DLG3: variants seen among roughly 807,000 people sequenced by gnomAD.
DLG3 encodes the protein disks large homolog 3.
Under a neutral mutation model 64.1 loss-of-function variants are expected in DLG3, and 1 was observed. That is an observed-to-expected ratio of 0.02 (90% CI 0.01 to 0.07). DLG3 has a LOEUF of 0.07. Ranked by LOEUF, DLG3 falls within the 10% of genes least tolerant of loss-of-function variation. The pLI, the probability that DLG3 is intolerant of heterozygous loss-of-function variation, is 1.00. For synonymous variants in DLG3, 245 were observed against 259.8 expected, an observed-to-expected ratio of 0.94 and a Z score of 0.55; for missense variants, 429 against 669.5, an observed-to-expected ratio of 0.64 and a Z score of 3.96.
rs1460123440 is a variant in DLG3 at position 70,502,187 on chromosome X, A to G, written c.2372A>G (p.Glu791Gly). 8.3e-7 allele frequency: 1 copy of G among 1,206,752 alleles called. No individual in the cohort carries two copies. Among genetic ancestry groups the G allele is most frequent in the Non-Finnish European group, 1.1e-6 (1 of 893,146 alleles). The change falls in exon 19 of 19, where the codon GAA (glutamate) becomes GGA (glycine). Residue 791 changes from glutamate (E) to glycine (G), a missense_variant. By Grantham distance (98) the Glu-to-Gly change is moderately conservative. Coordinates refer to ENST00000374360, the MANE Select transcript of DLG3 (RefSeq NM_021120.4). ...FTAIVQGDSL[E>G]EIYNKIKQII... Reference sequence around the variant, plus strand: ...GCCATTGTACAGGGTGACTCACTGGAAGAGATTTATAACAAAATCAAACAA... The same window carrying G: ...GCCATTGTACAGGGTGACTCACTGGGAGAGATTTATAACAAAATCAAACAA...
chrX:70,452,383 AGAG>A (rs1383378950), intron 7 of DLG3: 1 of 954,133 alleles, frequency 1.0e-6, no homozygotes, highest in Non-Finnish European at 1.3e-6. Flanking sequence ...ATTTCAAATT[AGAG>A]AAGAAAGCAG....
At chrX:70,449,924 T>C (rs1258248439) in intron 4 of DLG3, 65 bp downstream of exon 4, 2 of 1,132,467 alleles carry the variant, frequency 1.8e-6, no homozygotes, top group East Asian at 6.5e-5. Flanking sequence ...TCTTGCCCCA[T>C]AGGGAATTGG....
intron 9 of DLG3, among the ~76,000 whole-genome samples, chrX:70,477,982 A>G (rs1221536140): frequency 9.0e-6 from 1 of 111,629 alleles, no homozygotes; most frequent in Non-Finnish European, 1.9e-5. Context: ...TCTATGGTGC[A>G]CGAAATTGCT....
At chrX:70,475,161 T>A (rs1457788765) in intron 9 of DLG3, among the ~76,000 whole-genome samples, 1 of 108,408 alleles carries the variant, frequency 9.2e-6, no homozygotes, top group Non-Finnish European at 1.9e-5. Flanking sequence ...GAGACCCCCA[T>A]CTCTACAAAA....
chrX:70,491,327 A>G (rs2087354381), intron 10 of DLG3, among the ~76,000 whole-genome samples: 1 of 111,743 alleles, frequency 8.9e-6, no homozygotes, highest in Non-Finnish European at 1.9e-5. Flanking sequence ...ACCATTTCCT[A>G]GGACTTCTAG....
rs960103379 is a variant in DLG3 at position 70,465,474 on chromosome X, G to A, written c.1405+11158G>A. Among the ~76,000 whole-genome samples the A allele has an allele frequency of 2.7e-5, 3 of 112,002 alleles. No homozygotes were observed. In the Admixed American group the frequency reaches 2.9e-4, roughly 11 times the overall value. ...CTGGCTTTGTCCTTGAGCCTGTCCT[G>A]TTCAGTCTACTTTCCCATTCTCTTC... On this transcript the variant is annotated intron_variant, in intron 9 of 18. Coordinates refer to ENST00000374360, the MANE Select transcript of DLG3 (RefSeq NM_021120.4).
Position 70,500,531 on chromosome X carries a change from C to T in DLG3, c.2206C>T (p.Leu736Phe), listed in dbSNP as rs769297189. ...NAIKRLQQAQ[L>F]YPIAIFIKPK... The stretch of plus-strand genomic sequence containing the variant: ...TATCAAGAGACTGCAGCAAGCACAA[C>T]TTTACCCCATTGCCATTTTCATCAA... The change falls in exon 17 of 19, where the codon CTT (leucine) becomes TTT (phenylalanine). Residue 736 changes from leucine (L) to phenylalanine (F), a missense_variant. Around this residue, in one of 9 missense-constraint regions of DLG3, gnomAD observed 48 missense variants for 69.5 expected, o/e 0.69. Coordinates refer to ENST00000374360, the MANE Select transcript of DLG3 (RefSeq NM_021120.4). 7.4e-6 allele frequency: 9 copies of T among 1,211,098 alleles called. No homozygotes were observed. The East Asian group carries it at 2.7e-4, about 36-fold the overall frequency.
chrX:70,472,532 G>A (rs2086987695), intron 9 of DLG3, among the ~76,000 whole-genome samples: 1 of 111,485 alleles, frequency 9.0e-6, no homozygotes, highest in East Asian at 2.8e-4. Flanking sequence ...TCCAGCCTGG[G>A]TGACAGAACG....
chrX:70,482,024 C>T (rs1037722282), intron 10 of DLG3, among the ~76,000 whole-genome samples: 12 of 112,117 alleles, frequency 1.1e-4, no homozygotes, highest in Non-Finnish European at 1.5e-4. Flanking sequence ...GCGCCTCAAA[C>T]AAGCGGCATG....
chrX:70,454,119 TA>T, intron 8 of DLG3, 94 bp from the exon 9 acceptor site: 1 of 768,052 alleles, frequency 1.3e-6, no homozygotes, highest in Middle Eastern at 3.2e-4. Flanking sequence ...TAAACAGGCT[TA>T]GGGGTGGGGT....
intron 10 of DLG3, among the ~76,000 whole-genome samples, chrX:70,486,668 T>TTC (rs1555969124): frequency 9.8e-6 from 1 of 101,743 alleles, no homozygotes; most frequent in African/African-American, 3.5e-5. Context: ...TTTTTTTTTT[T>TTC]TCATGCTCAC....
chrX:70,471,790 T>A (rs931116296), intron 9 of DLG3, among the ~76,000 whole-genome samples: 1 of 111,609 alleles, frequency 9.0e-6, no homozygotes, highest in Admixed American at 9.6e-5. Context: ...GGATCCAACA[T>A]ATTTCTTGAT....
chrX:70,454,069 C>T (rs778538459), intron 8 of DLG3, 145 bp from the exon 9 acceptor site: 4 of 531,496 alleles, frequency 7.5e-6, no homozygotes, highest in Non-Finnish European at 1.2e-5. Context: ...TCCTTTAGGC[C>T]TTGTTTTAGG....
chrX:70,479,303 G>C, intron 10 of DLG3, 39 bp downstream of exon 10: 1 of 1,032,025 alleles, frequency 9.7e-7, no homozygotes, highest in South Asian at 1.9e-5. Context: ...TGTGCTGGAC[G>C]AGGAGAGCTC....
At chrX:70,453,154 A>G (rs1179261357) in intron 7 of DLG3, 2 of 159,474 alleles carry the variant, frequency 1.3e-5, no homozygotes, top group Non-Finnish European at 2.3e-5. Flanking sequence ...TTGATGGGTG[A>G]GATTTTGAGA....
At chrX:70,450,498 C>T (rs765351051) in intron 5 of DLG3, 141 bp from the exon 6 acceptor site, 36 of 926,185 alleles carry the variant, frequency 3.9e-5, no homozygotes, top group Non-Finnish European at 5.1e-5. Flanking sequence ...CTATCCCCTA[C>T]CTCCTGCCTC....
Position 70,454,320 on chromosome X carries a change from G to A in DLG3, c.1405+4G>A. The A allele has an allele frequency of 8.3e-7, 1 of 1,200,262 alleles. No homozygotes were observed. Among genetic ancestry groups the A allele is most frequent in the Non-Finnish European group, 1.1e-6 (1 of 885,810 alleles). ...GTGGCCCAGTACAGACCTGAAGGTA[G>A]GAGAAGGGAAGGTGGGAAGAGATGA... On this transcript the variant is annotated splice_donor_region_variant and intron_variant, in intron 9 of 18. Coordinates refer to ENST00000374360, the MANE Select transcript of DLG3 (RefSeq NM_021120.4).
At chrX:70,488,305 C>T (rs765449694) in intron 10 of DLG3, among the ~76,000 whole-genome samples, 81 of 111,802 alleles carry the variant, frequency 7.2e-4, no homozygotes, top group African/African-American at 2.0e-3. Context: ...CCACTGCACC[C>T]GGCCGATAAT....
chrX:70,492,231 G>T lies in DLG3; in HGVS notation c.1645G>T (p.Val549Leu). 8.3e-7 allele frequency: 1 copy of T among 1,211,645 alleles called. No homozygotes were observed. Among genetic ancestry groups the T allele is most frequent in the Non-Finnish European group, 1.1e-6 (1 of 895,528 alleles). The part of the protein sequence containing the change: ...SDDEWWQARL[V>L]TPHGESEQIG... ...TGATGAGTGGTGGCAGGCAAGGCTG[G>T]TGACCCCACACGGAGAAAGTGAGCA... The change falls in exon 11 of 19, where the codon GTG becomes TTG. Residue 549 changes from valine to leucine, a missense_variant. Transcript: ENST00000374360.
Sources: allele counts gnomAD v4.1 joint callset (sites outside exome capture counted in the v4.1 genomes callset), GRCh38; gene constraint gnomAD v4.1.1; regional missense constraint gnomAD v4.1.1; transcripts MANE v1.5; gene names NCBI Gene and HGNC (gene_info 2026-07-23, HGNC 2026-07-21).